The following TBC1D22A variants were observed in gnomAD, a reference collection of about 807,000 sequenced individuals.
TBC1D22A encodes the protein TBC1 domain family member 22A, also known as putative GTPase activator.
In TBC1D22A, 38 loss-of-function variants were observed where a neutral mutation model predicts 60.2. That is an observed-to-expected ratio of 0.63 (90% CI 0.49 to 0.83). The LOEUF (loss-of-function observed/expected upper bound fraction) is 0.83, where lower values mean the gene tolerates loss of function less well. Among genes scored for constraint, TBC1D22A ranks in the 40% least tolerant of loss-of-function variants. TBC1D22A has a pLI of 0.00. For synonymous variants in TBC1D22A, 302 were observed against 281.7 expected (o/e 1.07, Z -0.72); for missense variants, 628 against 701.0 (o/e 0.90, Z 1.18).
At chr22:46,813,295 A>G (rs2085460227) in intron 4 of TBC1D22A, among the ~76,000 whole-genome samples, 2 of 152,202 alleles carry the variant, frequency 1.3e-5, no homozygotes, top group Admixed American at 1.3e-4. Flanking sequence ...TTCTGTCCCT[A>G]TTACCTAAGC....
chr22:46,956,007 A>G (rs2073168490), intron 8 of TBC1D22A, among the ~76,000 whole-genome samples: 1 of 152,236 alleles, frequency 6.6e-6, no homozygotes, highest in Non-Finnish European at 1.5e-5. Flanking sequence ...CGCCCTAAAC[A>G]TGATTTCATA....
intron 12 of TBC1D22A, among the ~76,000 whole-genome samples, chr22:47,145,428 A>G (rs2067252536): frequency 6.6e-6 from 1 of 152,200 alleles, no homozygotes; most frequent in South Asian, 2.1e-4. Context: ...TTGACCTCTT[A>G]GGACTGTCAT....
intron 12 of TBC1D22A, among the ~76,000 whole-genome samples, chr22:47,158,795 C>T (rs1383787470): frequency 6.6e-6 from 1 of 152,100 alleles, no homozygotes; most frequent in Non-Finnish European, 1.5e-5. Flanking sequence ...CAGCCAGAGG[C>T]ACCTGCACAG....
At chr22:46,825,291 G>A (rs2086004172) in intron 4 of TBC1D22A, among the ~76,000 whole-genome samples, 2 of 152,112 alleles carry the variant, frequency 1.3e-5, no homozygotes, top group East Asian at 1.9e-4. Context: ...GAACCCCGCC[G>A]TGCCCATGCC....
At chr22:47,149,950 G>T (rs2067437805) in intron 12 of TBC1D22A, among the ~76,000 whole-genome samples, 1 of 152,086 alleles carries the variant, frequency 6.6e-6, no homozygotes, top group Non-Finnish European at 1.5e-5. Flanking sequence ...TCAGAGAGGA[G>T]GGGCCTCCTC....
intron 5 of TBC1D22A, among the ~76,000 whole-genome samples, chr22:46,879,829 A>G (rs2067761296): frequency 6.6e-6 from 1 of 152,178 alleles, no homozygotes. Context: ...CATGTGAGTT[A>G]TTTTATACTG....
At chr22:47,043,131 C>T (rs1422153066) in intron 11 of TBC1D22A, among the ~76,000 whole-genome samples, 1 of 152,232 alleles carries the variant, frequency 6.6e-6, no homozygotes. Context: ...GACAGCAAAC[C>T]AGCAGCATCT....
At chr22:47,117,662 G>A (rs967903437) in intron 12 of TBC1D22A, among the ~76,000 whole-genome samples, 1 of 152,220 alleles carries the variant, frequency 6.6e-6, no homozygotes, top group Non-Finnish European at 1.5e-5. Flanking sequence ...GCTCCCGGGA[G>A]CACAGGAGCC....
At chr22:46,955,156 G>A (rs535915472) in intron 8 of TBC1D22A, among the ~76,000 whole-genome samples, 2 of 152,134 alleles carry the variant, frequency 1.3e-5, no homozygotes, top group Admixed American at 6.5e-5. Flanking sequence ...GTAGTGTTAC[G>A]TGGTATGTTA....
intron 12 of TBC1D22A, among the ~76,000 whole-genome samples, chr22:47,168,976 C>CGGGAGCCTCACCTGCCCTCCGGCATT (rs529055690): frequency 1.3e-5 from 2 of 151,732 alleles, no homozygotes; most frequent in South Asian, 2.1e-4. Context: ...TCTTCGGCAT[C>CGGGAGCCTCACCTGCCCTCCGGCATT]GGGAGCCTCA....
At chr22:47,161,060 G>A (rs1339884757) in intron 12 of TBC1D22A, among the ~76,000 whole-genome samples, 1 of 152,206 alleles carries the variant, frequency 6.6e-6, no homozygotes, top group African/African-American at 2.4e-5. Flanking sequence ...TGCTGGTCAG[G>A]CCCTGCCTCC....
intron 1 of TBC1D22A, among the ~76,000 whole-genome samples, chr22:46,780,823 A>C (rs1291653979): frequency 6.6e-6 from 1 of 152,250 alleles, no homozygotes; most frequent in Non-Finnish European, 1.5e-5. Context: ...AGTCAGTAGA[A>C]GCTGAAGACA....
At chr22:47,109,190 C>T (rs891511312) in intron 11 of TBC1D22A, among the ~76,000 whole-genome samples, 6 of 152,148 alleles carry the variant, frequency 3.9e-5, no homozygotes, top group African/African-American at 1.4e-4. Flanking sequence ...GAAGAGAAAA[C>T]AATTTTGAAT....
Position 46,764,640 on chromosome 22 carries a change from G to T in TBC1D22A, c.62+1792G>T, listed in dbSNP as rs181668140. Among the ~76,000 whole-genome samples, 18 of 152,344 alleles carry T rather than the reference G, an allele frequency of 1.2e-4. No individual in the cohort carries two copies. The East Asian group carries it at 3.5e-3, about 29-fold the overall frequency. On this transcript the variant is annotated intron_variant, in intron 1 of 12. Coordinates refer to ENST00000337137, the MANE Select transcript of TBC1D22A (RefSeq NM_014346.5). ...TTTGCACAAGTAATCAAGGTAAAAT[G>T]AGGTCATACTGGATGAGGGTGGGCC...
rs956644404 is a variant in TBC1D22A at position 46,943,211 on chromosome 22, C to T, written c.1015+31023C>T. Reference sequence around the variant, plus strand: ...TTTTGGCTTATGCTCTCCTCCCAGCCTCCCCGCGGCATCCATCTCGGTGTA... The same window carrying T: ...TTTTGGCTTATGCTCTCCTCCCAGCTTCCCCGCGGCATCCATCTCGGTGTA... On this transcript the variant is annotated intron_variant, in intron 8 of 12. Transcript: ENST00000337137. 2.6e-5 allele frequency among the ~76,000 whole-genome samples: 4 copies of T among 152,046 alleles called. No homozygotes were observed. The East Asian group carries it at 7.7e-4, about 29-fold the overall frequency.
At chr22:46,967,370 G>A (rs1297917448) in intron 8 of TBC1D22A, among the ~76,000 whole-genome samples, 1 of 152,174 alleles carries the variant, frequency 6.6e-6, no homozygotes, top group Non-Finnish European at 1.5e-5. Context: ...CAAAGTACTG[G>A]AGTTTCCAAT....
rs1344518292 is a variant in TBC1D22A at position 47,009,477 on chromosome 22, T to C, written c.1201+11768T>C. On this transcript the variant is annotated intron_variant, in intron 10 of 12. Coordinates refer to ENST00000337137, the MANE Select transcript of TBC1D22A (RefSeq NM_014346.5). This position sits in a 1 kb window ranked among gnomAD's most constrained non-coding sequence, Gnocchi z 5.8. ...TTTCTGTCATCACCATCGTCATCAC[T>C]ATCACCATCATTTCATCACCATCAT... Among the ~76,000 whole-genome samples the C allele has an allele frequency of 1.2e-5, 1 of 86,408 alleles. No individual in the cohort carries two copies. The highest frequency in any genetic ancestry group is 2.8e-5 in the Non-Finnish European group (1 of 35,858). 56.7% of individuals were successfully genotyped at this position (86,408 alleles called of 152,430 possible).
intron 11 of TBC1D22A, among the ~76,000 whole-genome samples, chr22:47,075,443 G>A (rs1255094451): frequency 6.6e-6 from 1 of 152,176 alleles, no homozygotes; most frequent in Non-Finnish European, 1.5e-5. Context: ...AGCATCTTGG[G>A]AGGCTGAAGT....
chr22:46,956,731 A>G (rs1316889617), intron 8 of TBC1D22A, among the ~76,000 whole-genome samples: 1 of 152,226 alleles, frequency 6.6e-6, no homozygotes, highest in Non-Finnish European at 1.5e-5. Flanking sequence ...CAGTGGTGGT[A>G]CACACAGGCC....
Sources: allele counts gnomAD v4.1 joint callset (sites outside exome capture counted in the v4.1 genomes callset), GRCh38; gene constraint gnomAD v4.1.1; non-coding constraint Gnocchi (gnomAD v3.1); transcripts MANE v1.5; gene names NCBI Gene and HGNC (gene_info 2026-07-23, HGNC 2026-07-21).